Variants in MAPT observed in about 807,000 individuals in gnomAD.
The protein encoded by MAPT is microtubule-associated protein tau.
Under a neutral mutation model 67.9 loss-of-function variants are expected in MAPT, and 34 were observed. The observed-to-expected ratio is 0.50, with a 90% CI of 0.38 to 0.67. The LOEUF (loss-of-function observed/expected upper bound fraction) is 0.67. MAPT is among the 30% of genes least tolerant of loss of function. MAPT has a pLI of 0.00. For missense variants in MAPT, 881 were observed against 1,115.2 expected (o/e 0.79, Z 2.99); for synonymous variants, 456 against 464.5 (o/e 0.98, Z 0.23).
intron 9 of MAPT, among the ~76,000 whole-genome samples, chr17:45,997,779 C>T (rs184768270): frequency 6.6e-6 from 1 of 151,852 alleles, no homozygotes; most frequent in Non-Finnish European, 1.5e-5. Flanking sequence ...TAAAACAAAC[C>T]AAAAAAACCC....
intron 4 of MAPT, chr17:45,980,389 T>TACATGGG (rs939484566): frequency 7.4e-6 from 1 of 135,590 alleles, no homozygotes; most frequent in African/African-American, 2.5e-5. Context: ...TAATCCCAGC[T>TACATGGG]ACATGGGAGG....
At chr17:45,997,969 G>C (rs1181522963) in intron 9 of MAPT, among the ~76,000 whole-genome samples, 1 of 152,182 alleles carries the variant, frequency 6.6e-6, no homozygotes, top group African/African-American at 2.4e-5. Flanking sequence ...CCGCCACCCA[G>C]CACTGGGGAG....
At chr17:45,923,571 C>T (rs1287457916) in intron 1 of MAPT, among the ~76,000 whole-genome samples, 1 of 152,258 alleles carries the variant, frequency 6.6e-6, no homozygotes, top group East Asian at 1.9e-4. Flanking sequence ...ATGTCTTTCT[C>T]CACCTCATTG....
chr17:45,944,408 C>T (rs1225901560), intron 1 of MAPT, among the ~76,000 whole-genome samples: 3 of 152,204 alleles, frequency 2.0e-5, no homozygotes, highest in South Asian at 4.1e-4. Context: ...GGCACCCATC[C>T]ACTCACAAGG....
intron 10 of MAPT, among the ~76,000 whole-genome samples, chr17:46,011,496 C>T (rs1049881019): frequency 1.4e-4 from 21 of 152,192 alleles, no homozygotes; most frequent in Non-Finnish European, 5.9e-5. Context: ...CCGTGAGATT[C>T]GGGACTCAGA....
intron 4 of MAPT, among the ~76,000 whole-genome samples, chr17:45,981,373 C>A (rs1038465886): frequency 6.6e-6 from 1 of 152,130 alleles, no homozygotes; most frequent in Non-Finnish European, 1.5e-5. Context: ...TCTTAATATG[C>A]GGCCAGGTTA....
chr17:45,947,406 G>A (rs1046307625), intron 1 of MAPT, among the ~76,000 whole-genome samples: 2 of 142,094 alleles, frequency 1.4e-5, no homozygotes, highest in South Asian at 2.2e-4. Flanking sequence ...TTTTTCCTCA[G>A]GCAGTCTTAC....
At chr17:45,981,618 G>A (rs1323001757) in intron 4 of MAPT, among the ~76,000 whole-genome samples, 2 of 152,140 alleles carry the variant, frequency 1.3e-5, no homozygotes, top group Non-Finnish European at 2.9e-5. Context: ...CTTATGGCAG[G>A]TCTCTCAGTA....
intron 9 of MAPT, among the ~76,000 whole-genome samples, chr17:46,003,427 C>T (rs773229431): frequency 3.3e-5 from 5 of 152,042 alleles, no homozygotes; most frequent in Admixed American, 6.6e-5. Flanking sequence ...TACAAGCACA[C>T]ACCACCATGC....
chr17:45,919,064 T>TAA (rs80344216), intron 1 of MAPT, among the ~76,000 whole-genome samples: 9 of 104,178 alleles, frequency 8.6e-5, no homozygotes, highest in Non-Finnish European at 1.0e-4. Flanking sequence ...TCTGTCTCAA[T>TAA]AAAAAAAAAA....
intron 6 of MAPT, among the ~76,000 whole-genome samples, chr17:45,989,386 C>T (rs915087906): frequency 1.2e-4 from 19 of 152,140 alleles, no homozygotes; most frequent in African/African-American, 3.6e-4. Flanking sequence ...CGCGGTGGCT[C>T]ACGCCTGTAA....
chr17:45,903,681 C>T (rs1295286166), intron 1 of MAPT, among the ~76,000 whole-genome samples: 6 of 127,842 alleles, frequency 4.7e-5, no homozygotes, highest in Non-Finnish European at 9.6e-5. Context: ...CACCACTGCA[C>T]TCTAGCCTGG....
chr17:45,903,789 AAT>A (rs1257893642), intron 1 of MAPT, among the ~76,000 whole-genome samples: 9 of 65,440 alleles, frequency 1.4e-4, no homozygotes, highest in East Asian at 6.1e-4. Flanking sequence ...ATTAAAATAT[AAT>A]ATATATATTT....
rs2073934279 is a variant in MAPT, at chr17:45,989,990, G to A, written c.1520G>A (p.Cys507Tyr). Residue 507 changes from cysteine (C) to tyrosine (Y), a missense_variant, in exon 7 of 13, where the codon TGC (cysteine) becomes TAC (tyrosine). By Grantham distance (194) the Cys-to-Tyr change is radical. Around this residue, in one of 6 missense-constraint regions of MAPT, gnomAD observed 687 missense variants for 766.1 expected, o/e 0.90. Coordinates refer to ENST00000262410, the MANE Select transcript of MAPT (RefSeq NM_001377265.1). ...ATCCAACCCTCCAGCCCTGCTGTGT[G>A]CCCAGAGCCACCTTCCTCTCCTAAA... ...PLIQPSSPAV[C>Y]PEPPSSPKYV... 6.2e-7 allele frequency: 1 copy of A among 1,614,158 alleles called. No homozygotes were observed.
At chr17:45,940,739 A>G (rs1010668886) in intron 1 of MAPT, among the ~76,000 whole-genome samples, 1 of 152,136 alleles carries the variant, frequency 6.6e-6, no homozygotes, top group African/African-American at 2.4e-5. Context: ...TCAGGGACAC[A>G]GTTTCTAGCT....
At chr17:45,931,326 C>T (rs1025906562) in intron 1 of MAPT, among the ~76,000 whole-genome samples, 3 of 151,990 alleles carry the variant, frequency 2.0e-5, no homozygotes, top group African/African-American at 4.8e-5. Context: ...AGAAAAGAAA[C>T]GCAGATAGTA....
At chr17:45,987,996 C>T (rs1186522711) in intron 6 of MAPT, among the ~76,000 whole-genome samples, 1 of 152,222 alleles carries the variant, frequency 6.6e-6, no homozygotes, top group Admixed American at 6.5e-5. Context: ...AACATCCCTG[C>T]CCTGGAGTTG....
At chr17:45,935,189 C>A (rs2067210791) in intron 1 of MAPT, among the ~76,000 whole-genome samples, 1 of 152,062 alleles carries the variant, frequency 6.6e-6, no homozygotes, top group South Asian at 2.1e-4. Context: ...CCTTTCCATT[C>A]CCTCGGGAGA....
intron 5 of MAPT, among the ~76,000 whole-genome samples, 172 bp downstream of exon 5, chr17:45,984,102 G>A (rs1470108313): frequency 6.6e-6 from 1 of 152,144 alleles, no homozygotes; most frequent in Non-Finnish European, 1.5e-5. Context: ...GCCTCCTCCC[G>A]TGCTCAGGCT....
Sources: allele counts gnomAD v4.1 joint callset (sites outside exome capture counted in the v4.1 genomes callset), GRCh38; gene constraint gnomAD v4.1.1; regional missense constraint gnomAD v4.1.1; transcripts MANE v1.5; gene names NCBI Gene and HGNC (gene_info 2026-07-23, HGNC 2026-07-21).